Variants in FSTL4 observed in about 807,000 individuals in gnomAD.
FSTL4 encodes the protein follistatin-related protein 4.
A neutral mutation model predicts 78.2 loss-of-function variants in FSTL4; 28 were observed. That is an observed-to-expected ratio of 0.36 (90% CI 0.27 to 0.49). The LOEUF (loss-of-function observed/expected upper bound fraction) is 0.49, where lower values mean the gene tolerates loss of function less well. Among genes scored for constraint, FSTL4 ranks in the 20% least tolerant of loss-of-function variants. The probability of loss-of-function intolerance (pLI) is 0.98; values close to 1 mark genes in which losing one functional copy is unlikely to be tolerated. For synonymous variants in FSTL4, 422 were observed against 440.5 expected (o/e 0.96, Z 0.53); for missense variants, 922 against 1,084.9 (o/e 0.85, Z 2.11).
chr5:133,573,269 C>CA (rs915519120), intron 2 of FSTL4, among the ~76,000 whole-genome samples: 15 of 150,574 alleles, frequency 1.0e-4, no homozygotes, highest in Middle Eastern at 3.4e-3. Context: ...CAAAACAAAA[C>CA]AAAAAAAATA....
At chr5:133,337,421 A>G (rs933659694) in intron 4 of FSTL4, among the ~76,000 whole-genome samples, 1 of 152,114 alleles carries the variant, frequency 6.6e-6, no homozygotes, top group African/African-American at 2.4e-5. Flanking sequence ...CTGCTTGTTT[A>G]ATTGGGGTGC....
Position 133,472,335 on chromosome 5 carries a change from G to A in FSTL4, c.161-71349C>T, listed in dbSNP as rs1444800355. ...ACACTTTCTCAGGAAATAACATAAGGGTGTACCCCAGAAAAGAGAAAGTGC... is the reference window on the plus strand; with the variant it reads ...ACACTTTCTCAGGAAATAACATAAGAGTGTACCCCAGAAAAGAGAAAGTGC... On this transcript the variant is annotated intron_variant, in intron 3 of 15. Transcript: ENST00000265342. 9.9e-5 allele frequency among the ~76,000 whole-genome samples: 15 copies of A among 152,050 alleles called. 1 individual carries two copies. Among genetic ancestry groups the A allele is most frequent in the East Asian group, 9.6e-4 (5 of 5,184 alleles).
In FSTL4 at chr5:133,440,716, G is replaced by C. The variant is rs188758156; in HGVS notation, c.161-39730C>G. 5.9e-5 allele frequency among the ~76,000 whole-genome samples: 9 copies of C among 152,274 alleles called. No homozygotes were observed. The East Asian group carries it at 1.7e-3, about 29-fold the overall frequency. Reference sequence around the variant, plus strand: ...CAAGCAGGGGGAAGAGAAGACAGTGGAGACTGCAAGAGGCCTAGCCCAGAC... The same window carrying C: ...CAAGCAGGGGGAAGAGAAGACAGTGCAGACTGCAAGAGGCCTAGCCCAGAC... On this transcript the variant is annotated intron_variant, in intron 3 of 15. Coordinates refer to ENST00000265342, the MANE Select transcript of FSTL4 (RefSeq NM_015082.2). This position sits in a 1 kb window ranked among gnomAD's most constrained non-coding sequence, Gnocchi z 4.1.
chr5:133,307,298 T>C (rs1262071639), intron 6 of FSTL4, among the ~76,000 whole-genome samples: 1 of 152,094 alleles, frequency 6.6e-6, no homozygotes, highest in East Asian at 1.9e-4. Context: ...AGAAGACCAT[T>C]GAGTTGGGGC....
At chr5:133,329,906 C>T (rs193279533) in intron 4 of FSTL4, among the ~76,000 whole-genome samples, 20 of 152,314 alleles carry the variant, frequency 1.3e-4, no homozygotes, top group Admixed American at 3.9e-4. Context: ...ATGTGTTACA[C>T]GACATTCACC....
At chr5:133,616,310 A>AATCAATCTATCTATCTATCT (rs1554073699), upstream of FSTL4, among the ~76,000 whole-genome samples, 7 of 147,162 alleles carry the variant, frequency 4.8e-5, no homozygotes, top group African/African-American at 1.5e-4. Context: ...TGAAAATCTA[A>AATCAATCTATCTATCTATCT]ATCTATCTAT....
At position 133,611,420 on chromosome 5, in the gene FSTL4, C is replaced by T. The variant is rs546465977; in HGVS notation, c.-11+905G>A. Among the ~76,000 whole-genome samples the T allele has an allele frequency of 2.0e-5, 3 of 152,346 alleles. No homozygotes were observed. Among genetic ancestry groups the T allele is most frequent in the Admixed American group, 6.5e-5 (1 of 15,310 alleles). ...GGAGCCCCAAAGACTAGCGTCAGCT[C>T]GTCCCCAAACTCGAGGCGACAGGCG... On this transcript the variant is annotated intron_variant, in intron 1 of 15. Coordinates refer to ENST00000265342, the MANE Select transcript of FSTL4 (RefSeq NM_015082.2). This position sits in a 1 kb window ranked among gnomAD's most constrained non-coding sequence, Gnocchi z 4.9.
intron 3 of FSTL4, among the ~76,000 whole-genome samples, chr5:133,441,527 T>G (rs1390113623): frequency 1.3e-5 from 2 of 152,074 alleles, no homozygotes; most frequent in East Asian, 1.9e-4. Flanking sequence ...GGGATGCAAG[T>G]GGAAAATCCA....
Position 133,499,369 on chromosome 5 carries a change from TACACACACACACACAC to T in FSTL4, c.160+67801_160+67816del, listed in dbSNP as rs57363602. Among the ~76,000 whole-genome samples the T allele has an allele frequency of 9.0e-3, 1,145 of 126,790 alleles. 17 individuals carry two copies. Among genetic ancestry groups the T allele is most frequent in the African/African-American group, 0.031 (1,061 of 34,650 alleles). The allele number at this position is 126,790 out of a possible 152,430, so 83.2% of individuals were successfully genotyped here. On this transcript the variant is annotated intron_variant, in intron 3 of 15. Transcript: ENST00000265342. ...CCCCTAGTAAGTAACACAAGGGGAA[TACACACACACACACAC>T]ACACACACACACACACACACACACA...
the FSTL4 span, among the ~76,000 whole-genome samples, chr5:133,698,485 A>T: frequency 6.6e-6 from 1 of 152,204 alleles, no homozygotes; most frequent in Non-Finnish European, 1.5e-5. Flanking sequence ...GTCAGCCTCC[A>T]TTTGCTCTTC....
intron 4 of FSTL4, among the ~76,000 whole-genome samples, chr5:133,375,559 A>T (rs1410759767): frequency 6.6e-6 from 1 of 152,032 alleles, no homozygotes; most frequent in African/African-American, 2.4e-5. Context: ...ATTGTCAGAA[A>T]ACAGCTGGAG....
intron 6 of FSTL4, among the ~76,000 whole-genome samples, chr5:133,293,228 C>T (rs1006912943): frequency 5.3e-5 from 8 of 152,254 alleles, no homozygotes; most frequent in Admixed American, 1.3e-4. Context: ...CCAACCGCCA[C>T]CCCACGCAAG....
chr5:133,555,540 A>T (rs1759768872), intron 3 of FSTL4, among the ~76,000 whole-genome samples: 1 of 152,238 alleles, frequency 6.6e-6, no homozygotes, highest in South Asian at 2.1e-4. Context: ...GACAAATGGG[A>T]AAGCTCTTTG....
At chr5:133,283,536 T>A (rs977237905) in intron 6 of FSTL4, among the ~76,000 whole-genome samples, 1 of 152,152 alleles carries the variant, frequency 6.6e-6, no homozygotes, top group Non-Finnish European at 1.5e-5. Context: ...GCCAGACACA[T>A]GGTGGCATTC....
intron 6 of FSTL4, among the ~76,000 whole-genome samples, chr5:133,266,213 G>C (rs1752637950): frequency 6.6e-6 from 1 of 152,362 alleles, no homozygotes; most frequent in African/African-American, 2.4e-5. Context: ...GGGGGCCCCT[G>C]TGGGCAAACC....
At chr5:133,839,572 C>T in the FSTL4 span, among the ~76,000 whole-genome samples, 5 of 152,162 alleles carry the variant, frequency 3.3e-5, no homozygotes, top group African/African-American at 1.2e-4. Flanking sequence ...AATTAACACC[C>T]CATGAACATT....
At chr5:133,215,802 C>A (rs189252284) in intron 13 of FSTL4, among the ~76,000 whole-genome samples, 1 of 152,166 alleles carries the variant, frequency 6.6e-6, no homozygotes, top group African/African-American at 2.4e-5. Context: ...TGGCTTCTGG[C>A]CCCTTCATCC....
intron 4 of FSTL4, among the ~76,000 whole-genome samples, chr5:133,377,788 A>C (rs1042785794): frequency 6.6e-6 from 1 of 152,204 alleles, no homozygotes; most frequent in African/African-American, 2.4e-5. Flanking sequence ...TAATCAGTAC[A>C]TCCAAGAAAT....
Position 133,225,257 on chromosome 5 carries a change from C to T in FSTL4, c.1205G>A (p.Ser402Asn). Residue 402 changes from serine (S) to asparagine (N), a missense_variant, in exon 10 of 16, where the codon AGT becomes AAT. Physicochemically the swap from Ser to Asn is conservative, Grantham distance 46. Transcript: ENST00000265342. The surrounding 1 kb of genome is among the most constrained non-coding windows in gnomAD (Gnocchi z 4.6). ...LANGSELHIS[S>N]VRYEDTGAYT... ...TGCCCCTGTGTCTTCATACCGAACACTGCTGATGTGGAGTTCGCTCCCATT... is the reference window on the plus strand; with the variant it reads ...TGCCCCTGTGTCTTCATACCGAACATTGCTGATGTGGAGTTCGCTCCCATT... 1 of 1,614,226 alleles carries T rather than the reference C, an allele frequency of 6.2e-7. No individual in the cohort carries two copies. Among genetic ancestry groups the T allele is most frequent in the Non-Finnish European group, 8.5e-7 (1 of 1,180,046 alleles).
Sources: gnomAD v4.1 joint callset for allele counts (sites outside exome capture counted in the v4.1 genomes callset) on GRCh38, gnomAD v4.1.1 for gene constraint, Gnocchi (gnomAD v3.1) non-coding constraint, MANE v1.5 for transcripts, NCBI Gene and HGNC (gene_info 2026-07-23, HGNC 2026-07-21) for gene names.